Variants in UBE2N observed in about 807,000 individuals in gnomAD.
UBE2N encodes the protein ubiquitin-conjugating enzyme E2 N.
For missense variants in UBE2N, 60 were observed against 192.1 expected, an observed-to-expected ratio of 0.31 and a Z score of 4.07; for synonymous variants, 70 against 69.2, an observed-to-expected ratio of 1.01 and a Z score of -0.06.
At chr12:93,425,959 T>C (rs1307291697) in intron 1 of UBE2N, among the ~76,000 whole-genome samples, 1 of 152,232 alleles carries the variant, frequency 6.6e-6, no homozygotes, top group East Asian at 1.9e-4. Flanking sequence ...AAGATGATTC[T>C]TTCCCCTACC....
chr12:93,420,141 C>T (rs938314897), intron 1 of UBE2N, among the ~76,000 whole-genome samples: 1 of 152,190 alleles, frequency 6.6e-6, no homozygotes, highest in Non-Finnish European at 1.5e-5. Flanking sequence ...TAAGATTCTG[C>T]GTACCAAAGA....
At chr12:93,410,606 A>G (rs1172420883) in intron 3 of UBE2N, 128 bp downstream of exon 3, 2 of 1,389,834 alleles carry the variant, frequency 1.4e-6, no homozygotes, top group African/African-American at 1.4e-5. Context: ...TTTACATACT[A>G]TAAGCAGGAT....
intron 1 of UBE2N, among the ~76,000 whole-genome samples, chr12:93,415,025 A>G (rs932271773): frequency 6.6e-6 from 1 of 152,224 alleles, no homozygotes; most frequent in African/African-American, 2.4e-5. Flanking sequence ...AACATCATTA[A>G]GGCAGGGTTA....
At chr12:93,425,092 T>C (rs900076460) in intron 1 of UBE2N, among the ~76,000 whole-genome samples, 1 of 152,172 alleles carries the variant, frequency 6.6e-6, no homozygotes, top group African/African-American at 2.4e-5. Flanking sequence ...AGTATTACGT[T>C]AGGGTCTGTT....
intron 1 of UBE2N, among the ~76,000 whole-genome samples, chr12:93,428,294 A>T (rs891146152): frequency 3.9e-5 from 6 of 152,208 alleles, no homozygotes; most frequent in African/African-American, 1.4e-4. Flanking sequence ...TTAAAAGATT[A>T]CTTTTGAAGC....
intron 1 of UBE2N, among the ~76,000 whole-genome samples, chr12:93,420,146 C>T (rs1406812444): frequency 2.6e-5 from 4 of 152,128 alleles, no homozygotes; most frequent in African/African-American, 9.7e-5. Context: ...TTCTGCGTAC[C>T]AAAGACTAAA....
chr12:93,427,445 C>T (rs191897929), intron 1 of UBE2N, among the ~76,000 whole-genome samples: 106 of 152,334 alleles, frequency 7.0e-4, no homozygotes, highest in Non-Finnish European at 1.2e-3. Flanking sequence ...AGTACTAATA[C>T]ATGCTACAAT....
At chr12:93,434,921 A>G (rs554771036) in intron 1 of UBE2N, among the ~76,000 whole-genome samples, 2 of 145,456 alleles carry the variant, frequency 1.4e-5, no homozygotes, top group East Asian at 1.9e-4. Context: ...TATTTATTTA[A>G]GAGACAGGGT....
At position 93,438,751 on chromosome 12, in the gene UBE2N, G is replaced by A. The variant is rs1458073407; in HGVS notation, c.30+3104C>T. On this transcript the variant is annotated intron_variant, in intron 1 of 3. Coordinates refer to ENST00000318066, the MANE Select transcript of UBE2N (RefSeq NM_003348.4). ...AGTGAACAGAGGTTTGAAAGACAGG[G>A]GGGAAAGTGTCTGATTTAGTACATA... Among the ~76,000 whole-genome samples, 3 of 152,066 alleles carry A rather than the reference G, an allele frequency of 2.0e-5. No homozygotes were observed. In the East Asian group the frequency reaches 5.8e-4, roughly 29 times the overall value.
At chr12:93,423,768 T>C (rs1233573444) in intron 1 of UBE2N, among the ~76,000 whole-genome samples, 1 of 152,232 alleles carries the variant, frequency 6.6e-6, no homozygotes, top group African/African-American at 2.4e-5. Flanking sequence ...TTGAATCTTA[T>C]TGCTATATGC....
intron 1 of UBE2N, chr12:93,429,337 C>CT: frequency 2.4e-6 from 1 of 414,978 alleles, no homozygotes; most frequent in Non-Finnish European, 4.7e-6. Context: ...CAAGATAACT[C>CT]TAACATATTT....
chr12:93,418,540 T>TTTCTTTTTTTTTTTTTTTTTTGAGACGG (rs1565793435), intron 1 of UBE2N, among the ~76,000 whole-genome samples: 1 of 151,130 alleles, frequency 6.6e-6, no homozygotes, highest in African/African-American at 2.5e-5. Flanking sequence ...GCCTATTTTC[T>TTTCTTTTTTTTTTTTTTTTTTGAGACGG]AGCTGGGATT....
intron 1 of UBE2N, among the ~76,000 whole-genome samples, chr12:93,435,011 T>A (rs1878890968): frequency 6.6e-6 from 1 of 152,092 alleles, no homozygotes; most frequent in South Asian, 2.1e-4. Flanking sequence ...ATTCAAGGGA[T>A]CTTCCTGCCT....
intron 1 of UBE2N, among the ~76,000 whole-genome samples, chr12:93,414,856 C>A (rs1005268635): frequency 6.6e-6 from 1 of 152,190 alleles, no homozygotes; most frequent in Non-Finnish European, 1.5e-5. Flanking sequence ...AGAATTTAAG[C>A]TCCATGAGAG....
chr12:93,421,811 C>T (rs545510900), intron 1 of UBE2N, among the ~76,000 whole-genome samples: 8 of 152,220 alleles, frequency 5.3e-5, no homozygotes, highest in Admixed American at 3.9e-4. Flanking sequence ...TAAAATGTTT[C>T]GTGACTTTGA....
intron 1 of UBE2N, among the ~76,000 whole-genome samples, chr12:93,421,478 G>A (rs1313059388): frequency 6.6e-6 from 1 of 152,130 alleles, no homozygotes; most frequent in Non-Finnish European, 1.5e-5. Flanking sequence ...AATCTTGATG[G>A]TATACAATAA....
At position 93,409,872 on chromosome 12, in the gene UBE2N, G is replaced by C; in HGVS notation, c.*167C>G. The stretch of plus-strand genomic sequence containing the variant: ...GCTCATGCTTTATGACAGTGAATCA[G>C]GACAAGACATAGATTTGCTAATGTG... On this transcript the variant is annotated 3_prime_UTR_variant, in exon 4 of 4. Coordinates refer to ENST00000318066, the MANE Select transcript of UBE2N (RefSeq NM_003348.4). The C allele has an allele frequency of 2.9e-6, 2 of 681,044 alleles. No individual in the cohort carries two copies. The highest frequency in any genetic ancestry group is 1.7e-5 in the South Asian group (1 of 59,062). The allele number at this position is 681,044 out of a possible 1,614,324, so 42.2% of individuals were successfully genotyped here. A position where few individuals can be genotyped will look rare whatever the true frequency, so the allele number is the denominator to read the frequency against.
chr12:93,427,486 A>AT (rs1490328377), intron 1 of UBE2N, among the ~76,000 whole-genome samples: 3 of 152,264 alleles, frequency 2.0e-5, no homozygotes, highest in African/African-American at 4.8e-5. Context: ...TGCTAAATGA[A>AT]AGAAGCCAGA....
chr12:93,439,847 A>G (rs942636617), intron 1 of UBE2N, among the ~76,000 whole-genome samples: 2 of 151,062 alleles, frequency 1.3e-5, no homozygotes, highest in Non-Finnish European at 2.9e-5. Flanking sequence ...AGATGTTGTC[A>G]ACAAGATACC....
Sources: allele counts gnomAD v4.1 joint callset (sites outside exome capture counted in the v4.1 genomes callset), GRCh38; gene constraint gnomAD v4.1.1; transcripts MANE v1.5; gene names NCBI Gene and HGNC (gene_info 2026-07-23, HGNC 2026-07-21).